The following ATXN7 variants were observed in gnomAD, a reference collection of about 807,000 sequenced individuals.
The protein encoded by ATXN7 is ataxin-7.
ATXN7 carries 12 observed loss-of-function variants against 70.5 expected under a neutral mutation model. The ratio of observed to expected loss-of-function variants is 0.17; its 90% CI spans 0.11 to 0.28. The LOEUF (loss-of-function observed/expected upper bound fraction) is 0.28. Among genes scored for constraint, ATXN7 ranks in the 10% least tolerant of loss-of-function variants. ATXN7 has a pLI of 1.00. For missense variants in ATXN7, 1,256 were observed against 1,131.7 expected (o/e 1.11, Z -1.58); for synonymous variants, 498 against 448.7 (o/e 1.11, Z -1.39).
At chr3:63,988,034 G>A (rs746877558) in intron 8 of ATXN7, 25 bp from the exon 9 acceptor site, 50 of 1,608,120 alleles carry the variant, frequency 3.1e-5, no homozygotes, top group Non-Finnish European at 3.7e-5. Flanking sequence ...AGATTCCTCA[G>A]TTTCTGTATT....
intron 8 of ATXN7, among the ~76,000 whole-genome samples, chr3:63,984,436 T>G (rs1180068282): frequency 1.3e-5 from 2 of 152,172 alleles, no homozygotes; most frequent in Non-Finnish European, 2.9e-5. Context: ...ACCTGAGTTC[T>G]GTAGAATTAT....
chr3:63,928,146 C>G (rs1389721605), intron 4 of ATXN7, among the ~76,000 whole-genome samples: 1 of 152,066 alleles, frequency 6.6e-6, no homozygotes, highest in African/African-American at 2.4e-5. Context: ...GTAAAAATAG[C>G]TACTGAAGGC....
intron 1 of ATXN7, among the ~76,000 whole-genome samples, chr3:63,893,650 T>C (rs1703355507): frequency 6.6e-6 from 1 of 152,144 alleles, no homozygotes; most frequent in African/African-American, 2.4e-5. Flanking sequence ...GTGGCTGAAA[T>C]GTACTCAAGA....
intron 4 of ATXN7, among the ~76,000 whole-genome samples, chr3:63,913,631 C>A (rs1251545326): frequency 6.6e-6 from 1 of 152,162 alleles, no homozygotes; most frequent in African/African-American, 2.4e-5. Context: ...AAAGAAGATG[C>A]TTTACCTATG....
At chr3:63,989,356 A>C (rs2106783598) in intron 9 of ATXN7, among the ~76,000 whole-genome samples, 1 of 152,310 alleles carries the variant, frequency 6.6e-6, no homozygotes, top group East Asian at 1.9e-4. Context: ...ACTGCCCTTG[A>C]GTAAGAGGCT....
chr3:63,936,952 A>C (rs544105659), intron 4 of ATXN7, among the ~76,000 whole-genome samples: 11 of 152,354 alleles, frequency 7.2e-5, no homozygotes, highest in African/African-American at 2.6e-4. Flanking sequence ...AAATGACCAC[A>C]ATCTAATTTG....
At chr3:63,887,869 A>G (rs1251222144) in intron 1 of ATXN7, among the ~76,000 whole-genome samples, 1 of 148,488 alleles carries the variant, frequency 6.7e-6, no homozygotes, top group African/African-American at 2.5e-5. Flanking sequence ...CGCTGTCCTC[A>G]GCCTCTGTCT....
chr3:63,917,221 A>G (rs1490795310), intron 4 of ATXN7, among the ~76,000 whole-genome samples: 1 of 152,132 alleles, frequency 6.6e-6, no homozygotes, highest in Admixed American at 6.5e-5. Flanking sequence ...CACCTGGTTG[A>G]CGTTTTTGAA....
Position 63,996,045 on chromosome 3 carries a change from C to T in ATXN7, c.2223C>T (p.His741=). ...CTTTTAGGAAAAACTGTGTGGCTCACTCTGGGCCTCCCTACCCCTCAACGG... is the reference window on the plus strand; with the variant it reads ...CTTTTAGGAAAAACTGTGTGGCTCATTCTGGGCCTCCCTACCCCTCAACGG... The part of the protein sequence containing the change: ...MESFRKNCVA[H]SGPPYPSTVT... Residue 741 remains histidine (H), a synonymous_variant, in exon 12 of 13, where the codon CAC becomes CAT. Coordinates refer to ENST00000674280, the MANE Select transcript of ATXN7 (RefSeq NM_001377405.1). 1.2e-6 allele frequency: 2 copies of T among 1,614,204 alleles called. No homozygotes were observed. The highest frequency in any genetic ancestry group is 1.7e-6 in the Non-Finnish European group (2 of 1,180,036).
chr3:63,915,977 A>AC (rs1298897095), intron 4 of ATXN7, among the ~76,000 whole-genome samples: 5 of 151,948 alleles, frequency 3.3e-5, no homozygotes, highest in African/African-American at 1.2e-4. Context: ...ATGAACCACC[A>AC]CCCCCGCCAG....
Position 63,999,995 on chromosome 3 carries a change from G to C in ATXN7, c.*528G>C, listed in dbSNP as rs1313190617. On this transcript the variant is annotated 3_prime_UTR_variant, in exon 13 of 13. Transcript: ENST00000674280. Reference sequence around the variant, plus strand: ...GCATCCCGAGCAACCCTCTGAAGAAGGGAATTAGGCTTTAGATTTTGATAG... The same window carrying C: ...GCATCCCGAGCAACCCTCTGAAGAACGGAATTAGGCTTTAGATTTTGATAG... 1 of 157,674 alleles carries C rather than the reference G, an allele frequency of 6.3e-6. No individual in the cohort carries two copies. The highest frequency in any genetic ancestry group is 1.4e-5 in the Non-Finnish European group (1 of 71,114). 9.8% of individuals were successfully genotyped at this position (157,674 alleles called of 1,614,324 possible).
intron 4 of ATXN7, among the ~76,000 whole-genome samples, chr3:63,934,000 A>T (rs1319054334): frequency 6.6e-6 from 1 of 151,830 alleles, no homozygotes; most frequent in East Asian, 1.9e-4. Flanking sequence ...GGTGATTGGA[A>T]ATTGCGTAGT....
intron 5 of ATXN7, among the ~76,000 whole-genome samples, chr3:63,978,902 G>A (rs2075436299): frequency 6.6e-6 from 1 of 152,216 alleles, no homozygotes; most frequent in African/African-American, 2.4e-5. Flanking sequence ...TGATCATCAT[G>A]TGCTTAATGT....
chr3:63,966,065 T>C lies in ATXN7; in HGVS notation c.499+13582T>C, dbSNP rs138081053. On this transcript the variant is annotated intron_variant, in intron 5 of 12. Transcript: ENST00000674280. The stretch of plus-strand genomic sequence containing the variant: ...CAGAACGACTTGATTCTTAGAACTG[T>C]CTTGGATTGGCTGACTCTCATAACG... 2.9e-3 allele frequency among the ~76,000 whole-genome samples: 436 copies of C among 152,316 alleles called. 4 individuals are homozygous for C. Among genetic ancestry groups the C allele is most frequent in the African/African-American group, 9.4e-3 (392 of 41,570 alleles).
chr3:63,957,874 C>CTTAG (rs2075064364), intron 5 of ATXN7, among the ~76,000 whole-genome samples: 1 of 152,326 alleles, frequency 6.6e-6, no homozygotes, highest in African/African-American at 2.4e-5. Flanking sequence ...TGAGGCCAGC[C>CTTAG]TTAGCCCTAG....
chr3:63,896,964 G>A (rs781037043), intron 1 of ATXN7, among the ~76,000 whole-genome samples: 1 of 152,190 alleles, frequency 6.6e-6, no homozygotes, highest in Non-Finnish European at 1.5e-5. Context: ...CAAGTGCAGA[G>A]TCTAATCTGA....
intron 1 of ATXN7, among the ~76,000 whole-genome samples, chr3:63,895,807 C>G (rs1406947947): frequency 1.3e-5 from 2 of 151,970 alleles, no homozygotes; most frequent in African/African-American, 4.8e-5. Context: ...CTCTGTGTCT[C>G]TCTCTCTCTT....
intron 4 of ATXN7, among the ~76,000 whole-genome samples, chr3:63,941,750 G>C (rs2074772524): frequency 6.6e-6 from 1 of 152,104 alleles, no homozygotes; most frequent in Non-Finnish European, 1.5e-5. Flanking sequence ...TTTGGTCAAA[G>C]GGAAATCCAG....
chr3:63,952,353 A>G, intron 4 of ATXN7, 26 bp from the exon 5 acceptor site: 1 of 1,550,758 alleles, frequency 6.4e-7, no homozygotes. Flanking sequence ...CAGATGAGTG[A>G]GTGATGCTCT....
Sources: gnomAD v4.1 joint callset for allele counts (sites outside exome capture counted in the v4.1 genomes callset) on GRCh38, gnomAD v4.1.1 for gene constraint, MANE v1.5 for transcripts, NCBI Gene and HGNC (gene_info 2026-07-23, HGNC 2026-07-21) for gene names.